VAV1: variants seen among roughly 807,000 people sequenced by gnomAD.
VAV1 encodes vav guanine nucleotide exchange factor 1.
Under a neutral mutation model 128.1 loss-of-function variants are expected in VAV1, and 33 were observed. The ratio of observed to expected loss-of-function variants is 0.26; its 90% CI spans 0.20 to 0.34. VAV1 has a LOEUF of 0.34. Ranked by LOEUF, VAV1 falls within the 10% of genes least tolerant of loss-of-function variation. VAV1 has a pLI of 1.00. For missense variants in VAV1, 715 were observed against 1,093.7 expected, an observed-to-expected ratio of 0.65 and a Z score of 4.88; for synonymous variants, 394 against 409.8, an observed-to-expected ratio of 0.96 and a Z score of 0.47.
At chr19:6,774,506 C>T (rs1970578033) in intron 1 of VAV1, among the ~76,000 whole-genome samples, 1 of 143,990 alleles carries the variant, frequency 6.9e-6, no homozygotes, top group African/African-American at 2.6e-5. Context: ...GCGATCTCAG[C>T]TCACTGCAAC....
At chr19:6,848,181 A>G in intron 23 of VAV1, 67 bp downstream of exon 23, 1 of 1,442,556 alleles carries the variant, frequency 6.9e-7, no homozygotes, top group Non-Finnish European at 9.2e-7. Flanking sequence ...GAAAAAGGGT[A>G]TCCAGGTTTT....
At chr19:6,807,672 AC>A (rs1317406654) in intron 1 of VAV1, among the ~76,000 whole-genome samples, 1 of 151,896 alleles carries the variant, frequency 6.6e-6, no homozygotes, top group Non-Finnish European at 1.5e-5. Context: ...TAATCATGCC[AC>A]TGCACTCAAC....
rs548548173 is a variant in VAV1 at position 6,854,568 on chromosome 19, A to G, written c.2484+470A>G. Among the ~76,000 whole-genome samples the G allele has an allele frequency of 2.0e-4, 30 of 152,162 alleles. 1 individual carries two copies. Among genetic ancestry groups the G allele is most frequent in the African/African-American group, 7.2e-4 (30 of 41,536 alleles). On this transcript the variant is annotated intron_variant, in intron 26 of 26. Transcript: ENST00000602142. ...CCTCTACATAAATAAAAATAAAAAC[A>G]AAAACATTAGTTGGGCGTGGTAGTG...
At position 6,835,218 on chromosome 19, in the gene VAV1, C is replaced by T. The variant is rs202178080; in HGVS notation, c.1778-1214C>T. ...ATATGTGTATATATATATACATACA[C>T]ACACACACACACACACACACACACA... On this transcript the variant is annotated intron_variant, in intron 19 of 26. Transcript: ENST00000602142. 1.4e-3 allele frequency among the ~76,000 whole-genome samples: 31 copies of T among 21,962 alleles called. No individual in the cohort carries two copies. In the South Asian group the frequency reaches 0.015, roughly 11 times the overall value. 14.4% of individuals were successfully genotyped at this position (21,962 alleles called of 152,430 possible).
At chr19:6,842,780 G>A (rs938839597) in intron 21 of VAV1, among the ~76,000 whole-genome samples, 3 of 152,226 alleles carry the variant, frequency 2.0e-5, no homozygotes, top group African/African-American at 4.8e-5. Flanking sequence ...GCTGCAGTGA[G>A]CTATGATCAT....
At chr19:6,832,552 T>TCGC (rs1568309538) in intron 15 of VAV1, among the ~76,000 whole-genome samples, 22 of 121,214 alleles carry the variant, frequency 1.8e-4, no homozygotes, top group Admixed American at 1.5e-3. Context: ...TTCTTCTTCC[T>TCGC]CCTCCTCTCC....
At chr19:6,855,125 G>A (rs1349281429) in intron 26 of VAV1, among the ~76,000 whole-genome samples, 1 of 152,182 alleles carries the variant, frequency 6.6e-6, no homozygotes, top group Non-Finnish European at 1.5e-5. Context: ...TTCATCCACT[G>A]ATGACTTCTC....
At chr19:6,795,535 GTTCTCA>G (rs1363721082) in intron 1 of VAV1, among the ~76,000 whole-genome samples, 1 of 151,952 alleles carries the variant, frequency 6.6e-6, no homozygotes, top group East Asian at 1.9e-4. Flanking sequence ...AAGCAGCCTG[GTTCTCA>G]ATTGATGGGA....
At chr19:6,854,240 A>T (rs1972739514) in intron 26 of VAV1, 142 bp downstream of exon 26, 2 of 1,109,504 alleles carry the variant, frequency 1.8e-6, no homozygotes, top group East Asian at 2.6e-5. Flanking sequence ...GGACACAGGG[A>T]TGTCATTTAT....
chr19:6,807,610 G>A (rs892064714), intron 1 of VAV1, among the ~76,000 whole-genome samples: 2 of 152,078 alleles, frequency 1.3e-5, no homozygotes, highest in Non-Finnish European at 2.9e-5. Context: ...TACTCTGGAG[G>A]CTGAGGTGGG....
chr19:6,773,093 G>T (rs1599607084), intron 1 of VAV1, 82 bp downstream of exon 1: 2 of 1,545,032 alleles, frequency 1.3e-6, no homozygotes, highest in East Asian at 4.5e-5. Flanking sequence ...CTGACGTGCT[G>T]CTCCACCTCT....
chr19:6,825,103 C>A lies in VAV1; in HGVS notation c.705C>A (p.Ile235=), dbSNP rs1318923562. Residue 235 remains isoleucine (I), a synonymous_variant, in exon 7 of 27, where the codon ATC becomes ATA. Transcript: ENST00000602142. ...TCCTGAAACCTCAAGACATTGAGAT[C>A]ATCTTTATCAACATTGAGGTGAGCC... is the stretch of plus-strand genomic sequence containing the variant. ...QRFLKPQDIE[I]IFINIEDLLR... 1.2e-6 allele frequency: 2 copies of A among 1,612,876 alleles called. No homozygotes were observed. Among genetic ancestry groups the A allele is most frequent in the Non-Finnish European group, 1.7e-6 (2 of 1,179,962 alleles).
In VAV1 at chr19:6,814,240, A is replaced by T. The variant is rs112971253; in HGVS notation, c.205-6462A>T. Among the ~76,000 whole-genome samples, 110 of 152,294 alleles carry T rather than the reference A, an allele frequency of 7.2e-4. 1 individual carries two copies. Among genetic ancestry groups the T allele is most frequent in the African/African-American group, 2.5e-3 (106 of 41,572 alleles). On this transcript the variant is annotated intron_variant, in intron 1 of 26. Coordinates refer to ENST00000602142, the MANE Select transcript of VAV1 (RefSeq NM_005428.4). ...CAAAGTCTGATTTCCCTATGTGAAAAGCTAAATTCTTCATTTTATCATTCA... is the reference window on the plus strand; with the variant it reads ...CAAAGTCTGATTTCCCTATGTGAAATGCTAAATTCTTCATTTTATCATTCA...
intron 26 of VAV1, among the ~76,000 whole-genome samples, chr19:6,855,376 T>TCATC (rs1033314305): frequency 3.6e-4 from 55 of 152,150 alleles, no homozygotes; most frequent in Admixed American, 7.2e-4. Context: ...TGTAAAGGAT[T>TCATC]CATCCATCCA....
At chr19:6,788,524 G>A (rs990319638) in intron 1 of VAV1, among the ~76,000 whole-genome samples, 2 of 151,712 alleles carry the variant, frequency 1.3e-5, no homozygotes, top group Admixed American at 6.6e-5. Flanking sequence ...AGACAGGTAG[G>A]TGCCACCACA....
In VAV1 at chr19:6,828,857, G is replaced by C. The variant is rs1568307502; in HGVS notation, c.1222G>C (p.Glu408Gln). ...AHYGRPKIDG[E>Q]LKITSVERRS... is the part of the protein sequence containing the mutation. ...CTATGGCCGGCCCAAGATCGACGGG[G>C]AACTCAAGATCACCTCGGTGGAACG... The change falls in exon 13 of 27, where the codon GAA (glutamate) becomes CAA (glutamine). Residue 408 changes from glutamate to glutamine, a missense_variant. Physicochemically the swap from Glu to Gln is conservative, Grantham distance 29. Around this residue, in one of 3 missense-constraint regions of VAV1, gnomAD observed 407 missense variants for 580.6 expected, o/e 0.70. Coordinates refer to ENST00000602142, the MANE Select transcript of VAV1 (RefSeq NM_005428.4). This position sits in a 1 kb window ranked among gnomAD's most constrained non-coding sequence, Gnocchi z 4.5. The C allele has an allele frequency of 6.2e-7, 1 of 1,614,158 alleles. No individual in the cohort carries two copies. Among genetic ancestry groups the C allele is most frequent in the East Asian group, 2.2e-5 (1 of 44,886 alleles).
At chr19:6,840,119 C>T (rs1234809104) in intron 21 of VAV1, among the ~76,000 whole-genome samples, 1 of 152,152 alleles carries the variant, frequency 6.6e-6, no homozygotes, top group African/African-American at 2.4e-5. Context: ...AAACAGCAAC[C>T]ACCTATTCCC....
intron 23 of VAV1, among the ~76,000 whole-genome samples, chr19:6,849,266 C>T (rs73484457): frequency 8.2e-5 from 12 of 146,780 alleles, no homozygotes; most frequent in South Asian, 2.1e-4. Flanking sequence ...AGTGCTCCCC[C>T]GAGTCTACTG....
intron 23 of VAV1, 31 bp from the exon 24 acceptor site, chr19:6,850,639 G>C (rs1311098647): frequency 5.6e-6 from 9 of 1,611,554 alleles, no homozygotes; most frequent in South Asian, 1.1e-5. Context: ...CTGGTCCCCA[G>C]ACTCAGGGCC....
Sources: allele counts gnomAD v4.1 joint callset (sites outside exome capture counted in the v4.1 genomes callset), GRCh38; gene constraint gnomAD v4.1.1; regional missense constraint gnomAD v4.1.1; non-coding constraint Gnocchi (gnomAD v3.1); transcripts MANE v1.5; gene names NCBI Gene and HGNC (gene_info 2026-07-23, HGNC 2026-07-21).